The following SOD2 variants were observed in gnomAD, a reference collection of about 807,000 sequenced individuals.
SOD2 encodes the protein superoxide dismutase 2.
A neutral mutation model predicts 27.0 loss-of-function variants in SOD2; 11 were observed. The observed-to-expected ratio is 0.41, with a 90% CI of 0.26 to 0.67. The LOEUF is 0.67. Among genes scored for constraint, SOD2 ranks in the 30% least tolerant of loss-of-function variants. The pLI, the probability that SOD2 is intolerant of heterozygous loss-of-function variation, is 0.34. For synonymous variants in SOD2, 105 were observed against 103.0 expected (o/e 1.02, Z -0.12); for missense variants, 250 against 274.5 (o/e 0.91, Z 0.63).
chr6:159,752,640 C>T (rs566336814), intron 1 of SOD2, among the ~76,000 whole-genome samples: 1 of 151,838 alleles, frequency 6.6e-6, no homozygotes, highest in South Asian at 2.1e-4. Flanking sequence ...TGATCTTTTC[C>T]AATAAAGTCT....
chr6:159,683,798 A>G (rs1253800749), intron 4 of SOD2, among the ~76,000 whole-genome samples: 1 of 152,118 alleles, frequency 6.6e-6, no homozygotes, highest in Non-Finnish European at 1.5e-5. Flanking sequence ...GGCTTTTACA[A>G]ATTGTTATGC....
intron 1 of SOD2, chr6:159,727,114 G>C: frequency 1.7e-6 from 2 of 1,193,520 alleles, no homozygotes; most frequent in South Asian, 3.0e-5. Context: ...CCCTCCCCTC[G>C]GCCGCTTCCC....
upstream of SOD2, among the ~76,000 whole-genome samples, chr6:159,697,044 C>CAG (rs1777433607): frequency 2.7e-5 from 4 of 149,010 alleles, no homozygotes; most frequent in East Asian, 7.9e-4. Flanking sequence ...GACACACACA[C>CAG]ACACACACAC....
At chr6:159,735,317 T>G (rs982545305) in intron 1 of SOD2, among the ~76,000 whole-genome samples, 7 of 152,336 alleles carry the variant, frequency 4.6e-5, no homozygotes, top group Middle Eastern at 3.4e-3. Flanking sequence ...TTTTTTAATT[T>G]TTTGGTAGAG....
intron 1 of SOD2, among the ~76,000 whole-genome samples, chr6:159,722,862 T>A (rs193042038): frequency 1.3e-5 from 2 of 152,292 alleles, no homozygotes; most frequent in African/African-American, 4.8e-5. Flanking sequence ...GGAAGCTAAA[T>A]AATAACTTCT....
At chr6:159,696,551 C>A (rs765025952), upstream of SOD2, among the ~76,000 whole-genome samples, 2 of 151,868 alleles carry the variant, frequency 1.3e-5, no homozygotes, top group Non-Finnish European at 2.9e-5. Flanking sequence ...AACTCCTAGA[C>A]TGAAGTGATC....
intron 1 of SOD2, among the ~76,000 whole-genome samples, chr6:159,757,103 C>T (rs1246457545): frequency 6.6e-6 from 1 of 152,116 alleles, no homozygotes; most frequent in Non-Finnish European, 1.5e-5. Flanking sequence ...GGAAGAATGT[C>T]AAAATTTGCT....
upstream of SOD2, among the ~76,000 whole-genome samples, chr6:159,728,102 G>C (rs1398923148): frequency 1.3e-5 from 2 of 152,246 alleles, no homozygotes; most frequent in Admixed American, 1.3e-4. Flanking sequence ...AGGAAAAAAA[G>C]AAACATTCGT....
At position 159,677,163 on chromosome 6, in the gene SOD2, G is replaced by A. The variant is rs1325706128; in HGVS notation, c.*5330C>T. ...CATGGAGCACAAATTATAGTGGGCAGAGAGGCAAACTTGGAATCACCGTGA... is the reference window on the plus strand; with the variant it reads ...CATGGAGCACAAATTATAGTGGGCAAAGAGGCAAACTTGGAATCACCGTGA... On this transcript the variant is annotated 3_prime_UTR_variant, in exon 5 of 5. Transcript: ENST00000538183. The A allele has an allele frequency of 6.6e-6, 1 of 152,236 alleles. No homozygotes were observed. The highest frequency in any genetic ancestry group is 1.5e-5 in the Non-Finnish European group (1 of 68,044). The allele number at this position is 152,236 out of a possible 1,614,324, so 9.4% of individuals were successfully genotyped here. A position where few individuals can be genotyped will look rare whatever the true frequency, so the allele number is the denominator to read the frequency against.
chr6:159,710,713 T>C (rs1483743602), intron 1 of SOD2, among the ~76,000 whole-genome samples: 1 of 151,214 alleles, frequency 6.6e-6, no homozygotes, highest in African/African-American at 2.4e-5. Context: ...ACCACCTCCA[T>C]AACCACCAGT....
chr6:159,716,084 C>T (rs1385941329), intron 1 of SOD2, among the ~76,000 whole-genome samples: 1 of 152,106 alleles, frequency 6.6e-6, no homozygotes, highest in Admixed American at 6.6e-5. Flanking sequence ...AACAATAAAG[C>T]AAAGTGTCAC....
chr6:159,757,184 A>G (rs1032497837), intron 1 of SOD2, among the ~76,000 whole-genome samples: 2 of 152,342 alleles, frequency 1.3e-5, no homozygotes, highest in East Asian at 1.9e-4. Context: ...GCTTTCATAT[A>G]TGGTTGAAAT....
upstream of SOD2, among the ~76,000 whole-genome samples, chr6:159,695,253 C>A (rs1053730312): frequency 6.6e-6 from 1 of 152,162 alleles, no homozygotes; most frequent in African/African-American, 2.4e-5. Flanking sequence ...GCTCAGGCTA[C>A]TTACTTGCAC....
chr6:159,707,431 A>G (rs1439747906), intron 1 of SOD2, among the ~76,000 whole-genome samples: 3 of 152,080 alleles, frequency 2.0e-5, no homozygotes, highest in Non-Finnish European at 4.4e-5. Context: ...ATGTTAAAGG[A>G]GATATCACCA....
At chr6:159,717,897 A>ATGTGTGTGTGTGTG (rs66742481) in intron 1 of SOD2, among the ~76,000 whole-genome samples, 11 of 149,480 alleles carry the variant, frequency 7.4e-5, no homozygotes, top group African/African-American at 2.2e-4. Context: ...ATGTATGGAT[A>ATGTGTGTGTGTGTG]TGTGTGTGTG....
At chr6:159,707,352 C>T (rs2114815376) in intron 1 of SOD2, among the ~76,000 whole-genome samples, 1 of 150,686 alleles carries the variant, frequency 6.6e-6, no homozygotes, top group East Asian at 2.0e-4. Flanking sequence ...GGAAAGATCA[C>T]AATTGATAGA....
intron 1 of SOD2, among the ~76,000 whole-genome samples, chr6:159,705,535 A>C (rs573527315): frequency 6.6e-6 from 1 of 152,260 alleles, no homozygotes; most frequent in Non-Finnish European, 1.5e-5. Context: ...TTGAAGATCA[A>C]ATGAATGAAA....
At chr6:159,708,163 T>G (rs1777663027) in intron 1 of SOD2, among the ~76,000 whole-genome samples, 1 of 152,230 alleles carries the variant, frequency 6.6e-6, no homozygotes, top group South Asian at 2.1e-4. Flanking sequence ...CCCAATATCA[T>G]ACTGAATGGG....
upstream of SOD2, among the ~76,000 whole-genome samples, chr6:159,696,922 A>G (rs1464953175): frequency 6.6e-6 from 1 of 151,956 alleles, no homozygotes; most frequent in Non-Finnish European, 1.5e-5. Context: ...CTGCAGTCCT[A>G]GCTACGCCAG....
Sources: gnomAD v4.1 joint callset for allele counts (sites outside exome capture counted in the v4.1 genomes callset) on GRCh38, gnomAD v4.1.1 for gene constraint, MANE v1.5 for transcripts, NCBI Gene and HGNC (gene_info 2026-07-23, HGNC 2026-07-21) for gene names.